EMC1: variants seen among roughly 807,000 people sequenced by gnomAD.
EMC1 encodes the protein ER membrane protein complex subunit 1, also known as KIAA0090.
A neutral mutation model predicts 128.8 loss-of-function variants in EMC1; 103 were observed. The observed-to-expected ratio is 0.80, with a 90% CI of 0.68 to 0.94. The LOEUF is 0.94. EMC1 is among the 40% of genes least tolerant of loss of function. The pLI is 0.00. For missense variants in EMC1, 1,083 were observed against 1,250.6 expected (o/e 0.87, Z 2.02); for synonymous variants, 442 against 490.4 (o/e 0.90, Z 1.30).
chr1:19,228,268 C>T (rs771438066), intron 17 of EMC1, among the ~76,000 whole-genome samples: 7 of 151,876 alleles, frequency 4.6e-5, no homozygotes, highest in South Asian at 4.2e-4. Flanking sequence ...AATAGTATCC[C>T]GTTGTTTATC....
intron 10 of EMC1, 25 bp downstream of exon 10, chr1:19,238,770 C>T (rs1333167634): frequency 4.5e-6 from 7 of 1,564,396 alleles, no homozygotes; most frequent in Non-Finnish European, 6.2e-6. Flanking sequence ...CTAGGTCTGG[C>T]ATACTGCCCA....
intron 18 of EMC1, 32 bp from the exon 19 acceptor site, chr1:19,223,601 C>G: frequency 6.2e-7 from 1 of 1,603,502 alleles, no homozygotes; most frequent in African/African-American, 1.3e-5. Context: ...CCCTTAGAAC[C>G]ACGACGACTC....
chr1:19,243,953 G>C lies in EMC1; in HGVS notation c.283C>G (p.Gln95Glu), dbSNP rs566586156. The C allele has an allele frequency of 1.6e-5, 26 of 1,614,080 alleles. No individual in the cohort carries two copies. The South Asian group carries it at 2.9e-4, about 18-fold the overall frequency. Residue 95 changes from glutamine (Q) to glutamate (E), a missense_variant, in exon 3 of 23, where the codon CAG (glutamine) becomes GAG (glutamate). By Grantham distance (29) the Gln-to-Glu change is conservative. Coordinates refer to ENST00000477853, the MANE Select transcript of EMC1 (RefSeq NM_015047.3). ...GAVDAMLLHG[Q>E]DVITVSNGGR... ...GACACGGGAGGACTCTGCTTACCCTGTCCGTGCAGCAGCATGGCATCCACA... is the reference window on the plus strand; with the variant it reads ...GACACGGGAGGACTCTGCTTACCCTCTCCGTGCAGCAGCATGGCATCCACA...
intron 13 of EMC1, 114 bp downstream of exon 13, chr1:19,235,007 TCAGAAAAGA>T: frequency 5.2e-6 from 6 of 1,149,262 alleles, no homozygotes; most frequent in Non-Finnish European, 7.3e-6. Flanking sequence ...CAGAGCTCAT[TCAGAAAAGA>T]CTAGCAATCT....
intron 18 of EMC1, among the ~76,000 whole-genome samples, chr1:19,223,929 T>C (rs929366151): frequency 6.6e-6 from 1 of 152,118 alleles, no homozygotes; most frequent in Non-Finnish European, 1.5e-5. Flanking sequence ...TAGGGACAAA[T>C]GCTGCAGTGA....
At chr1:19,225,802 T>G (rs367849965) in intron 18 of EMC1, among the ~76,000 whole-genome samples, 27 of 146,952 alleles carry the variant, frequency 1.8e-4, no homozygotes, top group Middle Eastern at 3.4e-3. Flanking sequence ...CTGGGCAACA[T>G]GGCAAGACCC....
In EMC1 at chr1:19,239,980, G is replaced by T. The variant is rs747663841; in HGVS notation, c.792C>A (p.Leu264=). ...GGAATCCACTTCCAAATTCTAAGTCGAGAGACTGGAAGGCAAGAAGGAGGA... is the reference window on the plus strand; with the variant it reads ...GGAATCCACTTCCAAATTCTAAGTCTAGAGACTGGAAGGCAAGAAGGAGGA... The part of the protein sequence containing the change: ...WELRQIPLQS[L]DLEFGSGFQP... Residue 264 remains leucine (L), a synonymous_variant, in exon 8 of 23, where the codon CTC becomes CTA. Transcript: ENST00000477853. 1 of 1,610,566 alleles carries T rather than the reference G, an allele frequency of 6.2e-7. No homozygotes were observed. The highest frequency in any genetic ancestry group is 1.7e-5 in the Admixed American group (1 of 59,626).
intron 1 of EMC1, among the ~76,000 whole-genome samples, chr1:19,246,419 T>C (rs1014362177): frequency 6.6e-6 from 1 of 152,020 alleles, no homozygotes; most frequent in Non-Finnish European, 1.5e-5. Flanking sequence ...ATACTGTTGT[T>C]TTATCTGGAT....
chr1:19,219,778 G>A lies in EMC1; in HGVS notation c.2673-80C>T. ...TGGCTGCCCTTCCTGAGTCCTGGGAGGTTTCCAGGCTACATATCTAGCCTC... is the reference window on the plus strand; with the variant it reads ...TGGCTGCCCTTCCTGAGTCCTGGGAAGTTTCCAGGCTACATATCTAGCCTC... On this transcript the variant is annotated intron_variant, in intron 21 of 22. Coordinates refer to ENST00000477853, the MANE Select transcript of EMC1 (RefSeq NM_015047.3). 3 of 1,545,876 alleles carry A rather than the reference G, an allele frequency of 1.9e-6. No homozygotes were observed. The South Asian group carries it at 3.4e-5, about 17-fold the overall frequency.
At chr1:19,223,870 T>C (rs559048996) in intron 18 of EMC1, among the ~76,000 whole-genome samples, 97 of 152,288 alleles carry the variant, frequency 6.4e-4, no homozygotes, top group African/African-American at 2.2e-3. Context: ...AAGTCACAGA[T>C]AGCAAATGGT....
chr1:19,219,662 C>G lies in EMC1; in HGVS notation c.2709G>C (p.Gln903His), dbSNP rs2151933806. The G allele has an allele frequency of 1.2e-6, 2 of 1,614,104 alleles. No homozygotes were observed. The highest frequency in any genetic ancestry group is 1.7e-6 in the Non-Finnish European group (2 of 1,180,014). Residue 903 changes from glutamine (Q) to histidine (H), a missense_variant, in exon 22 of 23, where the codon CAG (glutamine) becomes CAC (histidine). Physicochemically the swap from Gln to His is conservative, Grantham distance 24 (BLOSUM62 0). Transcript: ENST00000477853. ...AGTTGATGAATCGCTCTGCGTGTAT[C>G]TGTACATCTGGAGAATACGGGATTA... ...ENLIPYSPDV[Q>H]IHAERFINYN...
At chr1:19,239,622 A>C in intron 8 of EMC1, 196 bp downstream of exon 8, 1 of 605,894 alleles carries the variant, frequency 1.7e-6, no homozygotes, top group Non-Finnish European at 2.9e-6. Flanking sequence ...TGCTCTAAAG[A>C]TCCTTTGTAA....
intron 18 of EMC1, among the ~76,000 whole-genome samples, chr1:19,225,309 GAGT>G (rs2093464298): frequency 6.6e-6 from 1 of 152,106 alleles, no homozygotes; most frequent in South Asian, 2.1e-4. Flanking sequence ...TTGAGCCCAG[GAGT>G]TTAAGACCAA....
intron 13 of EMC1, among the ~76,000 whole-genome samples, chr1:19,233,510 A>C (rs2093540047): frequency 6.6e-6 from 1 of 152,188 alleles, no homozygotes; most frequent in Admixed American, 6.6e-5. Context: ...AAGAGGTATG[A>C]GTGTGGGGGT....
chr1:19,223,567 G>A lies in EMC1; in HGVS notation c.2205C>T (p.Ser735=), dbSNP rs1378590300. Residue 735 remains serine, a splice_region_variant and synonymous_variant, in exon 19 of 23, where the codon AGC becomes AGT. Transcript: ENST00000477853. ...CCACGGCCAGCAGGTTGGGGTTCAGGCTCTGGAGAGAGAGAGAAAACCTCC... is the reference window on the plus strand; with the variant it reads ...CCACGGCCAGCAGGTTGGGGTTCAGACTCTGGAGAGAGAGAGAAAACCTCC... The part of the protein sequence containing the change: ...VMGDRSVLYK[S]LNPNLLAVVT... 1.2e-6 allele frequency: 2 copies of A among 1,613,652 alleles called. No homozygotes were observed. Among genetic ancestry groups the A allele is most frequent in the East Asian group, 4.5e-5 (2 of 44,870 alleles).
At position 19,223,510 on chromosome 1, in the gene EMC1, G is replaced by T. The variant is rs145741156; in HGVS notation, c.2262C>A (p.Arg754=). 6.2e-7 allele frequency: 1 copy of T among 1,614,038 alleles called. No homozygotes were observed. The highest frequency in any genetic ancestry group is 2.2e-5 in the East Asian group (1 of 44,894). ...VTESTDAHHE[R]TFIGIFLIDG... is the part of the protein sequence containing the mutation. Reference sequence around the variant, plus strand: ...CAATGAGGAAGATGCCAATAAAGGTGCGCTCATGGTGCGCGTCTGTGCTCT... The same window carrying T: ...CAATGAGGAAGATGCCAATAAAGGTTCGCTCATGGTGCGCGTCTGTGCTCT... Residue 754 remains arginine (R), a synonymous_variant, in exon 19 of 23, where the codon CGC becomes CGA. Coordinates refer to ENST00000477853, the MANE Select transcript of EMC1 (RefSeq NM_015047.3).
chr1:19,219,536 G>C (rs1488269662), intron 22 of EMC1, 33 bp downstream of exon 22: 6 of 1,613,826 alleles, frequency 3.7e-6, no homozygotes, highest in African/African-American at 1.3e-5. Flanking sequence ...GATCCACCAA[G>C]GGTGAAATAG....
chr1:19,223,679 T>C, intron 18 of EMC1, 110 bp from the exon 19 acceptor site: 1 of 1,006,058 alleles, frequency 9.9e-7, no homozygotes, highest in East Asian at 2.4e-5. Flanking sequence ...GGAATCAGGG[T>C]TTCTGGTGAA....
intron 15 of EMC1, among the ~76,000 whole-genome samples, chr1:19,231,984 G>A (rs952577024): frequency 3.3e-5 from 5 of 152,166 alleles, no homozygotes; most frequent in Non-Finnish European, 4.4e-5. Flanking sequence ...CAACCTGGCC[G>A]GGCGTGGTGG....
Sources: allele counts gnomAD v4.1 joint callset (sites outside exome capture counted in the v4.1 genomes callset), GRCh38; gene constraint gnomAD v4.1.1; transcripts MANE v1.5; gene names NCBI Gene and HGNC (gene_info 2026-07-23, HGNC 2026-07-21).